The following KLHL4 variants were observed in gnomAD, a reference collection of about 807,000 sequenced individuals.
KLHL4 encodes kelch like family member 4, also known as kelch-like protein 4.
Under a neutral mutation model 45.8 loss-of-function variants are expected in KLHL4, and 17 were observed. The ratio of observed to expected loss-of-function variants is 0.37; its 90% CI spans 0.25 to 0.56. The LOEUF is 0.56. Ranked by LOEUF, KLHL4 falls within the 20% of genes least tolerant of loss-of-function variation. The pLI, the probability that KLHL4 is intolerant of heterozygous loss-of-function variation, is 0.79. For synonymous variants in KLHL4, 224 were observed against 189.9 expected (o/e 1.18, Z -1.47); for missense variants, 544 against 544.9 (o/e 1.00, Z 0.02).
intron 5 of KLHL4, among the ~76,000 whole-genome samples, chrX:87,623,578 C>G (rs1160941446): frequency 9.0e-6 from 1 of 110,775 alleles, no homozygotes; most frequent in Non-Finnish European, 1.9e-5. Flanking sequence ...AGGTGTGAGC[C>G]ACTGTGCCCA....
Position 87,633,757 on chromosome X carries a change from A to G in KLHL4, c.1558A>G (p.Thr520Ala). 3.4e-6 allele frequency: 4 copies of G among 1,189,633 alleles called. No homozygotes were observed. The South Asian group carries it at 7.7e-5, about 23-fold the overall frequency. Residue 520 changes from threonine to alanine, a missense_variant, in exon 8 of 11, where the codon ACT becomes GCT. Transcript: ENST00000373119. Reference protein sequence around the residue: ...STHRHGLGVATLEGPMYAVGG... With the variant: ...STHRHGLGVAALEGPMYAVGG... ...TATTTTAATTTTTTTAGGTGTAGCC[A>G]CTCTTGAAGGACCAATGTATGCTGT...
intron 9 of KLHL4, among the ~76,000 whole-genome samples, chrX:87,641,441 A>C (rs1369516186): frequency 8.9e-6 from 1 of 111,887 alleles, no homozygotes. Context: ...ACAGGGATAC[A>C]TTTGGAGGCT....
In KLHL4 at chrX:87,517,932, G is replaced by C. The variant is rs1410956050; in HGVS notation, c.39G>C (p.Gln13His). 1 of 1,211,176 alleles carries C rather than the reference G, an allele frequency of 8.3e-7. No individual in the cohort carries two copies. Among genetic ancestry groups the C allele is most frequent in the East Asian group, 3.0e-5 (1 of 33,814 alleles). ...VSGKKEFDVK[Q>H]ILRLRWRWFS... ...GCAAGAAAGAGTTTGATGTGAAACA[G>C]ATCCTAAGGCTACGCTGGAGGTGGT... The change falls in exon 1 of 11, where the codon CAG (glutamine) becomes CAC (histidine). Residue 13 changes from glutamine (Q) to histidine (H), a missense_variant. By Grantham distance (24) the Gln-to-His change is conservative (BLOSUM62 0). Transcript: ENST00000373119.
intron 1 of KLHL4, among the ~76,000 whole-genome samples, chrX:87,547,503 G>C (rs1931708376): frequency 9.0e-6 from 1 of 111,431 alleles, no homozygotes; most frequent in African/African-American, 3.3e-5. Flanking sequence ...GACTAAAACA[G>C]AGACAAAATT....
At chrX:87,622,868 A>G (rs1167872125) in intron 5 of KLHL4, among the ~76,000 whole-genome samples, 4 of 111,751 alleles carry the variant, frequency 3.6e-5, no homozygotes, top group African/African-American at 1.3e-4. Context: ...TCGATGCACT[A>G]TAGCATAATT....
rs1923229617 is a variant in KLHL4, at chrX:87,635,298, A to G, written c.1713-265A>G. Among the ~76,000 whole-genome samples the G allele has an allele frequency of 2.7e-5, 3 of 111,518 alleles. No individual in the cohort carries two copies. The Admixed American group carries it at 2.9e-4, about 11-fold the overall frequency. Reference sequence around the variant, plus strand: ...CATATCCCATGGAATCTTTTATTCAATTATGTTAAAATGACTGTGATAAAG... The same window carrying G: ...CATATCCCATGGAATCTTTTATTCAGTTATGTTAAAATGACTGTGATAAAG... On this transcript the variant is annotated intron_variant, in intron 8 of 10. Coordinates refer to ENST00000373119, the MANE Select transcript of KLHL4 (RefSeq NM_019117.5).
intron 1 of KLHL4, among the ~76,000 whole-genome samples, chrX:87,529,960 A>G (rs1230166771): frequency 1.8e-5 from 2 of 111,757 alleles, no homozygotes; most frequent in African/African-American, 3.3e-5. Context: ...TTCAGCAAGT[A>G]CTATAATCAA....
intron 9 of KLHL4, among the ~76,000 whole-genome samples, chrX:87,642,122 A>G (rs1323350212): frequency 9.0e-6 from 1 of 110,737 alleles, no homozygotes; most frequent in Non-Finnish European, 1.9e-5. Flanking sequence ...AAAGCTAAGA[A>G]TCCTCACAGA....
intron 1 of KLHL4, among the ~76,000 whole-genome samples, chrX:87,531,640 G>A (rs1288592590): frequency 1.9e-5 from 2 of 106,079 alleles, no homozygotes; most frequent in African/African-American, 3.4e-5. Context: ...AAAGTCTCAG[G>A]ATACAAAATC....
intron 1 of KLHL4, among the ~76,000 whole-genome samples, chrX:87,546,848 G>A (rs1199308819): frequency 8.9e-6 from 1 of 112,873 alleles, no homozygotes; most frequent in African/African-American, 3.2e-5. Flanking sequence ...TTTAATGACT[G>A]CCCTGCTGGA....
At chrX:87,607,593 TG>T (rs1379531739) in intron 1 of KLHL4, among the ~76,000 whole-genome samples, 1 of 111,982 alleles carries the variant, frequency 8.9e-6, no homozygotes, top group Non-Finnish European at 1.9e-5. Flanking sequence ...ATTTTGTGCC[TG>T]TATCTAATAA....
chrX:87,527,830 C>T (rs990579907), intron 1 of KLHL4, among the ~76,000 whole-genome samples: 3 of 98,771 alleles, frequency 3.0e-5, no homozygotes, highest in Non-Finnish European at 6.3e-5. Context: ...AAAAAAAAAA[C>T]AATTGTTCTA....
At chrX:87,543,935 TG>T (rs1931619819) in intron 1 of KLHL4, among the ~76,000 whole-genome samples, 1 of 111,539 alleles carries the variant, frequency 9.0e-6, no homozygotes, top group African/African-American at 3.3e-5. Flanking sequence ...ACTACCTCTA[TG>T]GTCTAGGTAT....
chrX:87,534,643 C>T lies in KLHL4; in HGVS notation c.422+16328C>T, dbSNP rs550495190. Among the ~76,000 whole-genome samples the T allele has an allele frequency of 3.6e-5, 4 of 110,583 alleles. No individual in the cohort carries two copies. The South Asian group carries it at 1.6e-3, about 43-fold the overall frequency. On this transcript the variant is annotated intron_variant, in intron 1 of 10. Coordinates refer to ENST00000373119, the MANE Select transcript of KLHL4 (RefSeq NM_019117.5). The stretch of plus-strand genomic sequence containing the variant: ...ATGGAGGTCCTTCCCTGAAGGAGTT[C>T]ATAATAAAGTTGGAATAAAAAATAC...
At chrX:87,566,016 T>C (rs1436062298) in intron 1 of KLHL4, among the ~76,000 whole-genome samples, 1 of 110,459 alleles carries the variant, frequency 9.1e-6, no homozygotes, top group Admixed American at 9.7e-5. Flanking sequence ...GGTGTAGCAA[T>C]CCACCATGGC....
At chrX:87,618,785 C>T (rs778004476) in intron 4 of KLHL4, among the ~76,000 whole-genome samples, 1 of 111,905 alleles carries the variant, frequency 8.9e-6, no homozygotes, top group Admixed American at 9.6e-5. Context: ...AGGCATGAGA[C>T]ACTGCGCCCA....
intron 1 of KLHL4, among the ~76,000 whole-genome samples, chrX:87,603,781 T>A (rs1011483966): frequency 2.7e-5 from 3 of 110,185 alleles, no homozygotes; most frequent in African/African-American, 3.3e-5. Flanking sequence ...ATACAGTACT[T>A]TACAGTTAAC....
At chrX:87,582,673 A>C (rs1455521472) in intron 1 of KLHL4, among the ~76,000 whole-genome samples, 1 of 111,951 alleles carries the variant, frequency 8.9e-6, no homozygotes, top group East Asian at 2.8e-4. Context: ...GATAAAGTGG[A>C]CTTGGGCTGG....
rs1924318402 is a variant in KLHL4, at chrX:87,664,954, T to C, written c.2097+19T>C. The stretch of plus-strand genomic sequence containing the variant: ...GAAAGAGGTATTCGAATTAAAATAT[T>C]CAAATTACTATATTTCAGGTTTTAA... On this transcript the variant is annotated intron_variant, in intron 10 of 10. Transcript: ENST00000373119. 1 of 1,005,388 alleles carries C rather than the reference T, an allele frequency of 9.9e-7. No homozygotes were observed. The highest frequency in any genetic ancestry group is 2.2e-5 in the South Asian group (1 of 44,591). The allele number at this position is 1,005,388 out of a possible 1,213,427, so 82.9% of individuals were successfully genotyped here. A position where few individuals can be genotyped will look rare whatever the true frequency, so the allele number is the denominator to read the frequency against.
Sources: gnomAD v4.1 joint callset for allele counts (sites outside exome capture counted in the v4.1 genomes callset) on GRCh38, gnomAD v4.1.1 for gene constraint, MANE v1.5 for transcripts, NCBI Gene and HGNC (gene_info 2026-07-23, HGNC 2026-07-21) for gene names.